Variants in EDN1 observed in about 807,000 individuals in gnomAD.
The protein encoded by EDN1 is endothelin-1.
Under a neutral mutation model 21.7 loss-of-function variants are expected in EDN1, and 11 were observed. The ratio of observed to expected loss-of-function variants is 0.51; its 90% CI spans 0.32 to 0.84. The LOEUF is 0.84. Ranked by LOEUF, EDN1 falls within the 40% of genes least tolerant of loss-of-function variation. The pLI, the probability that EDN1 is intolerant of heterozygous loss-of-function variation, is 0.03. For missense variants in EDN1, 244 were observed against 262.3 expected (o/e 0.93, Z 0.48); for synonymous variants, 85 against 90.6 (o/e 0.94, Z 0.35).
chr6:12,275,802 C>CGTGTGTGTGTGT, the EDN1 span, among the ~76,000 whole-genome samples: 6 of 147,162 alleles, frequency 4.1e-5, no homozygotes, highest in Admixed American at 6.8e-5. Flanking sequence ...TTGGGGGCAC[C>CGTGTGTGTGTGT]GTGTGTGTGT....
the EDN1 span, among the ~76,000 whole-genome samples, chr6:12,242,530 T>A: frequency 9.9e-5 from 15 of 152,196 alleles, no homozygotes; most frequent in Non-Finnish European, 2.2e-4. Flanking sequence ...ACCTACCTTA[T>A]AAGGTTGCTG....
the EDN1 span, among the ~76,000 whole-genome samples, chr6:12,265,577 A>G: frequency 6.6e-6 from 1 of 152,202 alleles, no homozygotes; most frequent in Non-Finnish European, 1.5e-5. Context: ...CTTCAGAAAA[A>G]TAACCCTGCT....
At chr6:12,276,870 G>T in the EDN1 span, among the ~76,000 whole-genome samples, 4 of 152,182 alleles carry the variant, frequency 2.6e-5, no homozygotes, top group Non-Finnish European at 5.9e-5. Flanking sequence ...ATTTAAAGTG[G>T]GGGAGAAATA....
Position 12,296,422 on chromosome 6 carries a change from G to C in EDN1, c.*355G>C. The C allele has an allele frequency of 4.5e-6, 1 of 222,754 alleles. No homozygotes were observed. The highest frequency in any genetic ancestry group is 4.9e-5 in the Admixed American group (1 of 20,290). 13.8% of individuals were successfully genotyped at this position (222,754 alleles called of 1,614,324 possible). On this transcript the variant is annotated 3_prime_UTR_variant, in exon 5 of 5. Transcript: ENST00000379375. ...AGTTTCTGACGAAGGTCCTAAGGGAGTGTTTGTGTCTGACTCAGGCGCCTG... is the reference window on the plus strand; with the variant it reads ...AGTTTCTGACGAAGGTCCTAAGGGACTGTTTGTGTCTGACTCAGGCGCCTG...
rs1316209843 is a variant in EDN1, at chr6:12,290,695, T to TA, written c.64+3dup. 6.2e-7 allele frequency: 1 copy of TA among 1,613,030 alleles called. No individual in the cohort carries two copies. The highest frequency in any genetic ancestry group is 1.1e-5 in the South Asian group (1 of 91,058). ...CTTGCCAAGGAGCTCCAGAAACAGG[T>TA]AGGCACGCTCGTTGACTTGTAAGTC... On this transcript the variant is annotated splice_region_variant and intron_variant, in intron 1 of 4. Coordinates refer to ENST00000379375, the MANE Select transcript of EDN1 (RefSeq NM_001955.5).
the EDN1 span, among the ~76,000 whole-genome samples, chr6:12,242,140 G>A: frequency 2.0e-5 from 3 of 152,218 alleles, no homozygotes; most frequent in African/African-American, 7.2e-5. Flanking sequence ...AGCAGCCTGG[G>A]AATTCCTTGA....
chr6:12,291,803 A>G (rs969502212), intron 1 of EDN1, among the ~76,000 whole-genome samples: 1 of 152,134 alleles, frequency 6.6e-6, no homozygotes, highest in Non-Finnish European at 1.5e-5. Context: ...TCCCCACCTA[A>G]TTTTGAAAGA....
the EDN1 span, among the ~76,000 whole-genome samples, chr6:12,239,453 T>C: frequency 6.6e-6 from 1 of 152,150 alleles, no homozygotes. Flanking sequence ...GGTCAATGGA[T>C]ATAAACAAAA....
the EDN1 span, among the ~76,000 whole-genome samples, chr6:12,253,083 A>G: frequency 2.6e-5 from 4 of 152,292 alleles, no homozygotes; most frequent in East Asian, 5.8e-4. Flanking sequence ...GGCGAGGACC[A>G]TAAAATATAA....
chr6:12,247,593 C>A, the EDN1 span, among the ~76,000 whole-genome samples: 7 of 130,806 alleles, frequency 5.4e-5, no homozygotes, highest in Non-Finnish European at 1.1e-4. Flanking sequence ...GGCTGGAGTG[C>A]AGTGGCGTGA....
chr6:12,261,301 A>C, the EDN1 span, among the ~76,000 whole-genome samples: 3 of 152,242 alleles, frequency 2.0e-5, no homozygotes, highest in African/African-American at 7.2e-5. Context: ...GCAAGTCCAC[A>C]ACAGAGCCAA....
At chr6:12,231,968 A>C in the EDN1 span, among the ~76,000 whole-genome samples, 1 of 151,616 alleles carries the variant, frequency 6.6e-6, no homozygotes, top group African/African-American at 2.4e-5. Flanking sequence ...ACTTAAAACC[A>C]TAAAGACTTT....
At chr6:12,231,945 C>T in the EDN1 span, among the ~76,000 whole-genome samples, 1 of 150,686 alleles carries the variant, frequency 6.6e-6, no homozygotes, top group Non-Finnish European at 1.5e-5. Flanking sequence ...TTTAAAAAAC[C>T]AAAAAACAAT....
chr6:12,232,359 GT>G, the EDN1 span, among the ~76,000 whole-genome samples: 109 of 148,822 alleles, frequency 7.3e-4, 1 homozygote, highest in East Asian at 0.017. Context: ...TAGTTATTGG[GT>G]TTTTTTTTCA....
chr6:12,294,920 C>T (rs79711440), intron 4 of EDN1, among the ~76,000 whole-genome samples: 382 of 107,586 alleles, frequency 3.6e-3, no homozygotes, highest in Middle Eastern at 0.011. Context: ...GGTTTATGGT[C>T]TTTTTTTTTT....
chr6:12,252,730 G>A, the EDN1 span, among the ~76,000 whole-genome samples: 1 of 152,144 alleles, frequency 6.6e-6, no homozygotes. Flanking sequence ...CTTCATTTAT[G>A]TCTTTTTTTT....
the EDN1 span, among the ~76,000 whole-genome samples, chr6:12,269,722 C>CT: frequency 4.6e-4 from 69 of 151,618 alleles, 1 homozygote; most frequent in African/African-American, 1.5e-3. Flanking sequence ...ATTTTGTTAA[C>CT]TTTTTTTTGC....
At chr6:12,276,454 C>T in the EDN1 span, among the ~76,000 whole-genome samples, 1 of 152,176 alleles carries the variant, frequency 6.6e-6, no homozygotes, top group Non-Finnish European at 1.5e-5. Context: ...AAAGTACATT[C>T]CTTTACGCCA....
At chr6:12,278,229 T>G in the EDN1 span, among the ~76,000 whole-genome samples, 1 of 152,086 alleles carries the variant, frequency 6.6e-6, no homozygotes, top group Non-Finnish European at 1.5e-5. Context: ...CTTCAGAAAG[T>G]CTATTGGAAA....
Sources: allele counts gnomAD v4.1 joint callset (sites outside exome capture counted in the v4.1 genomes callset), GRCh38; gene constraint gnomAD v4.1.1; transcripts MANE v1.5; gene names NCBI Gene and HGNC (gene_info 2026-07-23, HGNC 2026-07-21).